The following ESRRG variants were observed in gnomAD, a reference collection of about 807,000 sequenced individuals.
ESRRG encodes the protein estrogen-related receptor gamma.
ESRRG carries 13 observed loss-of-function variants against 44.0 expected under a neutral mutation model. The ratio of observed to expected loss-of-function variants is 0.30; its 90% CI spans 0.19 to 0.47. The LOEUF (loss-of-function observed/expected upper bound fraction) is 0.47, where lower values mean the gene tolerates loss of function less well. Among genes scored for constraint, ESRRG ranks in the 20% least tolerant of loss-of-function variants. The pLI is 1.00. For synonymous variants in ESRRG, 215 were observed against 214.6 expected, an observed-to-expected ratio of 1.00 and a Z score of -0.02; for missense variants, 395 against 580.6, an observed-to-expected ratio of 0.68 and a Z score of 3.29.
rs2095611140 is a variant in ESRRG at position 216,839,046 on chromosome 1, A to G, written c.-14+100536T>C. Among the ~76,000 whole-genome samples, 4 of 152,282 alleles carry G rather than the reference A, an allele frequency of 2.6e-5. No individual in the cohort carries two copies. In the South Asian group the frequency reaches 8.3e-4, roughly 32 times the overall value. ...AAGATTATCCTGCACGCAGGGTAAA[A>G]CTTTGAAAGAAGTTTTACTACCCAC... On this transcript the variant is annotated intron_variant, in intron 2 of 7. Transcript: ENST00000359162.
intron 6 of ESRRG, among the ~76,000 whole-genome samples, chr1:216,517,719 A>G (rs1172252257): frequency 3.9e-5 from 6 of 152,092 alleles, no homozygotes; most frequent in African/African-American, 1.4e-4. Flanking sequence ...TTTCTACCCC[A>G]TCTCTCACTT....
intron 2 of ESRRG, among the ~76,000 whole-genome samples, chr1:216,750,796 A>C (rs1208249982): frequency 2.6e-5 from 4 of 152,038 alleles, no homozygotes; most frequent in Non-Finnish European, 4.4e-5. Context: ...ATAACAATTT[A>C]AACTGTTTCA....
chr1:216,584,164 A>T (rs1412479635), intron 3 of ESRRG, among the ~76,000 whole-genome samples: 1 of 152,098 alleles, frequency 6.6e-6, no homozygotes, highest in African/African-American at 2.4e-5. Flanking sequence ...ATGTATATAC[A>T]TATAGGGCTT....
chr1:217,058,865 C>T (rs1195656810), intron 1 of ESRRG, among the ~76,000 whole-genome samples: 1 of 141,878 alleles, frequency 7.0e-6, no homozygotes, highest in African/African-American at 2.6e-5. Context: ...GTTCATAAAA[C>T]ATAATACAAT....
intron 2 of ESRRG, among the ~76,000 whole-genome samples, chr1:216,826,508 G>C (rs2095399220): frequency 6.6e-6 from 1 of 152,086 alleles, no homozygotes; most frequent in Non-Finnish European, 1.5e-5. Flanking sequence ...GCTATTGTTA[G>C]AATACCATTA....
At chr1:216,787,599 C>CAAAAAA (rs34433548) in intron 2 of ESRRG, among the ~76,000 whole-genome samples, 2 of 76,442 alleles carry the variant, frequency 2.6e-5, no homozygotes, top group African/African-American at 4.7e-5. Context: ...AAGACTCCAT[C>CAAAAAA]AAAAAAAAAA....
At chr1:216,587,778 C>T (rs1306979872) in intron 3 of ESRRG, among the ~76,000 whole-genome samples, 1 of 152,040 alleles carries the variant, frequency 6.6e-6, no homozygotes, top group East Asian at 1.9e-4. Context: ...AGTAATAAAC[C>T]TTCTTAAAAC....
chr1:216,790,805 A>G (rs2094295970), intron 2 of ESRRG, among the ~76,000 whole-genome samples: 1 of 152,160 alleles, frequency 6.6e-6, no homozygotes, highest in African/African-American at 2.4e-5. Context: ...CATGTTTGGT[A>G]GAGGACAGAT....
Position 216,568,024 on chromosome 1 carries a change from G to A in ESRRG, c.664C>T (p.Leu222=), listed in dbSNP as rs1157955967. The A allele has an allele frequency of 2.5e-6, 4 of 1,613,752 alleles. No homozygotes were observed. In the South Asian group the frequency reaches 3.3e-5, roughly 13 times the overall value. The part of the protein sequence containing the change: ...RRIDAENSPY[L]NPQLVQPAKK... The stretch of plus-strand genomic sequence containing the variant: ...GCTGGCTGAACCAGCTGAGGGTTCA[G>A]GTATGGGCTGTTCTCCGCATCTATC... The change falls in exon 4 of 7, where the codon CTG becomes TTG. Residue 222 remains leucine, a synonymous_variant. Transcript: ENST00000408911.
At chr1:216,846,059 C>T (rs2095741273) in intron 2 of ESRRG, among the ~76,000 whole-genome samples, 1 of 152,150 alleles carries the variant, frequency 6.6e-6, no homozygotes, top group African/African-American at 2.4e-5. Context: ...TCTAAAAACA[C>T]AGTAGCAAAT....
chr1:216,661,676 C>G (rs1458474791), intron 2 of ESRRG, among the ~76,000 whole-genome samples: 2 of 152,024 alleles, frequency 1.3e-5, no homozygotes, highest in East Asian at 3.9e-4. Context: ...CAAGTATAAC[C>G]CTTTCTAATA....
intron 2 of ESRRG, among the ~76,000 whole-genome samples, chr1:216,745,727 G>T (rs2091321998): frequency 2.0e-5 from 3 of 152,092 alleles, no homozygotes; most frequent in Admixed American, 2.0e-4. Context: ...CCTTGAGAAA[G>T]TTACTTAACC....
chr1:216,585,889 A>T (rs2063674026), intron 3 of ESRRG, among the ~76,000 whole-genome samples: 1 of 152,028 alleles, frequency 6.6e-6, no homozygotes, highest in Non-Finnish European at 1.5e-5. Flanking sequence ...AAATACAAAA[A>T]ATTAGCCAGG....
At chr1:216,708,292 A>G (rs1445132494) in intron 1 of ESRRG, among the ~76,000 whole-genome samples, 1 of 152,190 alleles carries the variant, frequency 6.6e-6, no homozygotes, top group Non-Finnish European at 1.5e-5. Flanking sequence ...AATATAAAAG[A>G]TAATAAAAGT....
intron 1 of ESRRG, among the ~76,000 whole-genome samples, chr1:217,025,078 G>A (rs1367981542): frequency 2.0e-5 from 3 of 152,190 alleles, no homozygotes; most frequent in Non-Finnish European, 4.4e-5. Flanking sequence ...CCCAAAGCTA[G>A]AAGCCTTAAG....
At chr1:216,885,183 T>TA (rs1381947680) in intron 2 of ESRRG, among the ~76,000 whole-genome samples, 1 of 149,778 alleles carries the variant, frequency 6.7e-6, no homozygotes, top group Non-Finnish European at 1.5e-5. Context: ...TTCATTTAAA[T>TA]AAAAATAGAA....
chr1:216,712,648 G>A (rs2083876420), intron 1 of ESRRG, among the ~76,000 whole-genome samples: 1 of 152,160 alleles, frequency 6.6e-6, no homozygotes, highest in African/African-American at 2.4e-5. Context: ...TTTGATTATA[G>A]TGCTTTCCTC....
At chr1:216,913,099 G>A (rs370745629) in intron 2 of ESRRG, among the ~76,000 whole-genome samples, 12 of 128,958 alleles carry the variant, frequency 9.3e-5, no homozygotes, top group African/African-American at 2.7e-4. Flanking sequence ...ACTCCAGAGC[G>A]AGACTCTGTC....
intron 1 of ESRRG, among the ~76,000 whole-genome samples, chr1:217,016,749 CTGCTATATTT>C (rs1445224105): frequency 8.5e-5 from 13 of 152,118 alleles, no homozygotes; most frequent in African/African-American, 2.4e-4. Context: ...GCTAGGTGTT[CTGCTATATTT>C]TGCTATAAAT....
Sources: allele counts gnomAD v4.1 joint callset (sites outside exome capture counted in the v4.1 genomes callset), GRCh38; gene constraint gnomAD v4.1.1; transcripts MANE v1.5; gene names NCBI Gene and HGNC (gene_info 2026-07-23, HGNC 2026-07-21).